CDH13: variants seen among roughly 807,000 people sequenced by gnomAD.
The protein encoded by CDH13 is cadherin-13.
A neutral mutation model predicts 63.8 loss-of-function variants in CDH13; 24 were observed. That is an observed-to-expected ratio of 0.38 (90% CI 0.27 to 0.53). CDH13 has a LOEUF of 0.53. Among genes scored for constraint, CDH13 ranks in the 20% least tolerant of loss-of-function variants. The pLI is 0.85. For synonymous variants in CDH13, 503 were observed against 355.3 expected (o/e 1.42, Z -4.67); for missense variants, 1,049 against 903.1 (o/e 1.16, Z -2.07).
intron 1 of CDH13, chr16:82,637,664 C>G (rs34041966): frequency 1.3e-5 from 2 of 151,278 alleles, no homozygotes; most frequent in Admixed American, 6.6e-5. Flanking sequence ...GTCTCGATCT[C>G]CTGACCTCGT....
intron 2 of CDH13, among the ~76,000 whole-genome samples, chr16:82,986,681 T>A (rs1436937176): frequency 1.3e-5 from 2 of 152,180 alleles, no homozygotes; most frequent in African/African-American, 4.8e-5. Flanking sequence ...CACACAAACA[T>A]ATCTCAAGCC....
At chr16:83,041,769 A>T (rs183888289) in intron 3 of CDH13, among the ~76,000 whole-genome samples, 40 of 152,314 alleles carry the variant, frequency 2.6e-4, no homozygotes, top group Admixed American at 2.2e-3. Flanking sequence ...AAGTTACGTA[A>T]CTTCTCTGAG....
intron 6 of CDH13, among the ~76,000 whole-genome samples, chr16:83,406,414 CTT>C (rs200594090): frequency 6.8e-6 from 1 of 146,090 alleles, no homozygotes; most frequent in Non-Finnish European, 1.5e-5. Flanking sequence ...AGCTCTCTTT[CTT>C]TCCCCCCCCG....
intron 1 of CDH13, among the ~76,000 whole-genome samples, chr16:82,707,767 T>A (rs2151001250): frequency 6.6e-6 from 1 of 152,338 alleles, no homozygotes; most frequent in African/African-American, 2.4e-5. Context: ...AAGACGTGTA[T>A]CTCAGCACAA....
chr16:83,059,237 C>T (rs1429506541), intron 3 of CDH13, among the ~76,000 whole-genome samples: 1 of 152,182 alleles, frequency 6.6e-6, no homozygotes, highest in Non-Finnish European at 1.5e-5. Context: ...TCAGAGTCAT[C>T]CACCTGAAAA....
intron 7 of CDH13, among the ~76,000 whole-genome samples, chr16:83,567,680 C>G (rs377764096): frequency 1.3e-5 from 2 of 152,324 alleles, no homozygotes; most frequent in South Asian, 4.1e-4. Flanking sequence ...GCTGCAAGCT[C>G]TGCCTCCTGG....
chr16:83,178,720 C>T (rs1281840778), intron 4 of CDH13, among the ~76,000 whole-genome samples: 2 of 152,240 alleles, frequency 1.3e-5, no homozygotes, highest in African/African-American at 4.8e-5. Context: ...CTGCTAATGA[C>T]CCTAACAATC....
chr16:83,206,768 G>C (rs764831418), intron 4 of CDH13, among the ~76,000 whole-genome samples: 57 of 152,220 alleles, frequency 3.7e-4, no homozygotes, highest in Non-Finnish European at 3.2e-4. Flanking sequence ...TTATATACTG[G>C]AGGAATTTGA....
intron 7 of CDH13, among the ~76,000 whole-genome samples, chr16:83,513,984 G>C (rs1013892044): frequency 6.6e-6 from 1 of 152,170 alleles, no homozygotes. Flanking sequence ...AGACTGTCTT[G>C]TATGTTAAAA....
At chr16:82,815,183 A>T (rs777196116) in intron 1 of CDH13, among the ~76,000 whole-genome samples, 3 of 152,120 alleles carry the variant, frequency 2.0e-5, no homozygotes, top group Non-Finnish European at 2.9e-5. Flanking sequence ...ACAGCTCTGT[A>T]GGGAGTCGGA....
At chr16:82,980,430 A>G (rs72792108) in intron 2 of CDH13, among the ~76,000 whole-genome samples, 3 of 152,328 alleles carry the variant, frequency 2.0e-5, no homozygotes, top group Non-Finnish European at 2.9e-5. Flanking sequence ...GTTTTCATCT[A>G]TCCAGAGCTG....
chr16:82,974,792 A>G (rs1384559394), intron 2 of CDH13, among the ~76,000 whole-genome samples: 1 of 152,240 alleles, frequency 6.6e-6, no homozygotes, highest in African/African-American at 2.4e-5. Flanking sequence ...ATGTAAAAGA[A>G]AAGGAAGCAG....
At chr16:82,988,625 T>C (rs1911256949) in intron 2 of CDH13, among the ~76,000 whole-genome samples, 1 of 151,772 alleles carries the variant, frequency 6.6e-6, no homozygotes, top group African/African-American at 2.4e-5. Flanking sequence ...GCTGGGCATG[T>C]TGGTGGGTGC....
intron 7 of CDH13, among the ~76,000 whole-genome samples, chr16:83,535,960 G>A (rs1189789885): frequency 6.7e-6 from 1 of 150,188 alleles, no homozygotes; most frequent in East Asian, 2.0e-4. Flanking sequence ...AGGAAGAAAA[G>A]AAAAGAAAAG....
At chr16:83,219,572 A>G (rs1249885310) in intron 5 of CDH13, among the ~76,000 whole-genome samples, 3 of 152,234 alleles carry the variant, frequency 2.0e-5, no homozygotes, top group Non-Finnish European at 4.4e-5. Context: ...ATCTTCCTAC[A>G]TGGGTGACAA....
intron 1 of CDH13, among the ~76,000 whole-genome samples, chr16:82,638,242 A>G (rs2150880951): frequency 6.6e-6 from 1 of 152,102 alleles, no homozygotes. Flanking sequence ...CTGGAGCAGA[A>G]TTAGAGCCTG....
intron 1 of CDH13, among the ~76,000 whole-genome samples, chr16:82,690,164 CAAAA>C (rs35051579): frequency 1.9e-5 from 1 of 52,040 alleles, no homozygotes. Context: ...AACTCTGTCT[CAAAA>C]AAAAAAAAAA....
chr16:83,486,206 CAG>C (rs1473679219), intron 6 of CDH13, among the ~76,000 whole-genome samples: 1 of 152,102 alleles, frequency 6.6e-6, no homozygotes, highest in African/African-American at 2.4e-5. Context: ...TGAAAATAAA[CAG>C]TGTATCACCA....
At chr16:83,057,314 T>C (rs868116159) in intron 3 of CDH13, among the ~76,000 whole-genome samples, 1 of 152,162 alleles carries the variant, frequency 6.6e-6, no homozygotes, top group African/African-American at 2.4e-5. Flanking sequence ...TACTTGTGGT[T>C]ACCTTTGAAA....
Sources: allele counts gnomAD v4.1 joint callset (sites outside exome capture counted in the v4.1 genomes callset), GRCh38; gene constraint gnomAD v4.1.1; transcripts MANE v1.5; gene names NCBI Gene and HGNC (gene_info 2026-07-23, HGNC 2026-07-21).